Variants in CNTNAP5 observed in about 807,000 individuals in gnomAD.
CNTNAP5 encodes the protein contactin-associated protein-like 5.
Under a neutral mutation model 150.2 loss-of-function variants are expected in CNTNAP5, and 72 were observed. The ratio of observed to expected loss-of-function variants is 0.48; its 90% CI spans 0.40 to 0.58. The LOEUF is 0.58. Ranked by LOEUF, CNTNAP5 falls within the 20% of genes least tolerant of loss-of-function variation. The pLI is 0.00. For missense variants in CNTNAP5, 1,636 were observed against 1,626.2 expected (o/e 1.01, Z -0.10); for synonymous variants, 672 against 619.8 (o/e 1.08, Z -1.25).
intron 17 of CNTNAP5, among the ~76,000 whole-genome samples, chr2:124,780,337 A>G (rs1038617674): frequency 6.6e-6 from 1 of 152,178 alleles, no homozygotes; most frequent in Non-Finnish European, 1.5e-5. Context: ...GGGTTTTGAC[A>G]TTTAAAGGAC....
chr2:124,734,139 A>C (rs1398846150), intron 13 of CNTNAP5, among the ~76,000 whole-genome samples: 1 of 152,136 alleles, frequency 6.6e-6, no homozygotes, highest in Non-Finnish European at 1.5e-5. Context: ...CAATAGATAA[A>C]ATATCTATGA....
chr2:124,745,836 A>G (rs1322576250), intron 13 of CNTNAP5, among the ~76,000 whole-genome samples: 2 of 152,138 alleles, frequency 1.3e-5, no homozygotes, highest in Non-Finnish European at 2.9e-5. Flanking sequence ...TACCTTCTGT[A>G]TGTTTTTCTC....
At chr2:124,579,224 G>T (rs1696358700) in intron 11 of CNTNAP5, among the ~76,000 whole-genome samples, 1 of 152,180 alleles carries the variant, frequency 6.6e-6, no homozygotes, top group African/African-American at 2.4e-5. Context: ...CCATGATTTG[G>T]AGTAAATGAG....
At chr2:124,820,321 C>G (rs1573639024) in intron 19 of CNTNAP5, among the ~76,000 whole-genome samples, 1 of 151,764 alleles carries the variant, frequency 6.6e-6, no homozygotes, top group East Asian at 1.9e-4. Context: ...TACTACTGGC[C>G]CATTCTATCA....
At chr2:124,644,527 G>T (rs1033754113) in intron 12 of CNTNAP5, among the ~76,000 whole-genome samples, 26 of 152,214 alleles carry the variant, frequency 1.7e-4, no homozygotes, top group Admixed American at 1.4e-3. Flanking sequence ...ATCAATAAAT[G>T]AATGTATGAA....
intron 22 of CNTNAP5, among the ~76,000 whole-genome samples, chr2:124,903,915 G>A (rs765407610): frequency 6.6e-6 from 1 of 151,916 alleles, no homozygotes; most frequent in Non-Finnish European, 1.5e-5. Context: ...TTAGCTGGCC[G>A]TGGTGGTGGG....
chr2:124,266,888 AC>A (rs987587035), intron 3 of CNTNAP5, among the ~76,000 whole-genome samples: 7 of 151,878 alleles, frequency 4.6e-5, no homozygotes. Flanking sequence ...TCAAAAATAC[AC>A]CCCCATAGAA....
rs1028015320 is a variant in CNTNAP5 at position 124,433,392 on chromosome 2, G to A, written c.530-1092G>A. On this transcript the variant is annotated intron_variant, in intron 4 of 23. Coordinates refer to ENST00000682447, the MANE Select transcript of CNTNAP5 (RefSeq NM_001367498.1). ...GGGTTTTAAAACTAATTACAGAAAA[G>A]TATTATTTCATTTTCCTTTTCATTT... 6.6e-5 allele frequency among the ~76,000 whole-genome samples: 10 copies of A among 152,292 alleles called. No homozygotes were observed. The South Asian group carries it at 2.1e-3, about 32-fold the overall frequency.
intron 3 of CNTNAP5, among the ~76,000 whole-genome samples, chr2:124,276,056 C>T (rs1231253727): frequency 6.6e-6 from 1 of 152,042 alleles, no homozygotes; most frequent in Non-Finnish European, 1.5e-5. Flanking sequence ...TGAGATTTCT[C>T]AGAAATAAAC....
intron 13 of CNTNAP5, among the ~76,000 whole-genome samples, chr2:124,700,015 TCTC>T (rs1354431886): frequency 6.6e-6 from 1 of 152,186 alleles, no homozygotes; most frequent in Non-Finnish European, 1.5e-5. Context: ...TCCATTCTCT[TCTC>T]CTCTAAGCCT....
chr2:124,709,884 C>G (rs568860745), intron 13 of CNTNAP5, among the ~76,000 whole-genome samples: 10 of 152,236 alleles, frequency 6.6e-5, no homozygotes, highest in South Asian at 2.1e-4. Context: ...CTTCAGCTAA[C>G]TTTTCTTAAG....
chr2:124,265,850 A>T (rs1303866073), intron 3 of CNTNAP5, among the ~76,000 whole-genome samples: 2 of 151,250 alleles, frequency 1.3e-5, no homozygotes, highest in East Asian at 1.9e-4. Context: ...AAAAAAACAG[A>T]GTCAGTCAGG....
chr2:124,489,150 G>GT (rs1201029342), intron 7 of CNTNAP5, among the ~76,000 whole-genome samples: 2 of 152,160 alleles, frequency 1.3e-5, no homozygotes, highest in Non-Finnish European at 1.5e-5. Context: ...CAACTCAGCG[G>GT]TTTCATTAAG....
At chr2:124,818,977 T>C (rs1682428027) in intron 19 of CNTNAP5, among the ~76,000 whole-genome samples, 1 of 152,086 alleles carries the variant, frequency 6.6e-6, no homozygotes, top group African/African-American at 2.4e-5. Context: ...TAGCTCAGTT[T>C]CATGTAGATC....
intron 17 of CNTNAP5, among the ~76,000 whole-genome samples, chr2:124,781,644 G>A (rs1020140484): frequency 2.0e-5 from 3 of 152,152 alleles, no homozygotes; most frequent in African/African-American, 7.2e-5. Context: ...CTGTCTATTT[G>A]GGGTACTCAA....
intron 4 of CNTNAP5, 94 bp downstream of exon 4, chr2:124,417,684 T>TA (rs1247945096): frequency 8.1e-6 from 10 of 1,238,310 alleles, no homozygotes; most frequent in Non-Finnish European, 1.1e-5. Context: ...ACAATCATCT[T>TA]ATTTTAAAGT....
In CNTNAP5 at chr2:124,798,315, A is replaced by C; in HGVS notation, c.3212A>C (p.Lys1071Thr). The C allele has an allele frequency of 1.9e-6, 3 of 1,608,524 alleles. No homozygotes were observed. The highest frequency in any genetic ancestry group is 2.6e-6 in the Non-Finnish European group (3 of 1,174,958). Residue 1071 changes from lysine (K) to threonine (T), a missense_variant, in exon 19 of 24, where the codon AAG becomes ACG. Lys to Thr is a moderately conservative substitution (Grantham distance 78). Transcript: ENST00000682447. ...SQDFVVVLLC[K>T]NGSLQVRYHL... ...GACTTCGTGGTTGTTCTGCTCTGCA[A>C]GAATGGTGAGTGTGATGGCATGATA... is the stretch of plus-strand genomic sequence containing the variant.
At chr2:124,401,592 G>T (rs2104758969) in intron 3 of CNTNAP5, among the ~76,000 whole-genome samples, 1 of 152,274 alleles carries the variant, frequency 6.6e-6, no homozygotes, top group Non-Finnish European at 1.5e-5. Context: ...TGGTGATTTA[G>T]GTTCTTCCAC....
chr2:124,185,134 A>G (rs540890342), intron 1 of CNTNAP5, among the ~76,000 whole-genome samples: 3 of 152,180 alleles, frequency 2.0e-5, no homozygotes, highest in Non-Finnish European at 4.4e-5. Flanking sequence ...ATTCTGCCTT[A>G]GTTTCCTTAT....
Sources: gnomAD v4.1 joint callset for allele counts (sites outside exome capture counted in the v4.1 genomes callset) on GRCh38, gnomAD v4.1.1 for gene constraint, MANE v1.5 for transcripts, NCBI Gene and HGNC (gene_info 2026-07-23, HGNC 2026-07-21) for gene names.